Variants in RORB observed in about 807,000 individuals in gnomAD.
RORB encodes the protein RAR related orphan receptor B.
RORB carries 6 observed loss-of-function variants against 59.1 expected under a neutral mutation model. The observed-to-expected ratio is 0.10, with a 90% CI of 0.06 to 0.20. The LOEUF is 0.20. RORB is among the 10% of genes least tolerant of loss of function. The pLI, the probability that RORB is intolerant of heterozygous loss-of-function variation, is 1.00. For missense variants in RORB, 320 were observed against 560.5 expected (o/e 0.57, Z 4.33); for synonymous variants, 215 against 204.5 (o/e 1.05, Z -0.44).
intron 1 of RORB, among the ~76,000 whole-genome samples, chr9:74,586,268 C>G (rs1028214590): frequency 2.0e-4 from 30 of 152,214 alleles, no homozygotes; most frequent in African/African-American, 6.5e-4. Context: ...GAGGCCAAAG[C>G]AGGTGGATCA....
rs1824714242 is a variant in RORB, at chr9:74,690,042, C to T, written c.*4424C>T. ...ATGGACGTCTGTGCCCTAACAGAAG[C>T]ACCGTTCAATAGAACAGCAATAACC... is the stretch of plus-strand genomic sequence containing the variant. On this transcript the variant is annotated 3_prime_UTR_variant, in exon 10 of 10. Transcript: ENST00000376896. The T allele has an allele frequency of 6.6e-6, 1 of 152,096 alleles. No homozygotes were observed. The highest frequency in any genetic ancestry group is 2.1e-4 in the South Asian group (1 of 4,816). The allele number at this position is 152,096 out of a possible 1,614,324, so 9.4% of individuals were successfully genotyped here.
At chr9:74,598,523 A>T (rs1021256459) in intron 1 of RORB, among the ~76,000 whole-genome samples, 2 of 152,170 alleles carry the variant, frequency 1.3e-5, no homozygotes, top group Non-Finnish European at 2.9e-5. Context: ...AGTATAGTTT[A>T]TATTTGTATA....
chr9:74,679,381 G>A (rs1357485785), intron 9 of RORB, among the ~76,000 whole-genome samples: 2 of 152,180 alleles, frequency 1.3e-5, no homozygotes, highest in African/African-American at 4.8e-5. Flanking sequence ...TGTGACCACT[G>A]CTGAGGTAAA....
intron 1 of RORB, among the ~76,000 whole-genome samples, chr9:74,527,679 T>G (rs1826176392): frequency 6.6e-6 from 1 of 152,034 alleles, no homozygotes; most frequent in Non-Finnish European, 1.5e-5. Flanking sequence ...AATTCATGTT[T>G]TGTCAAAGAT....
rs958220453 is a variant in RORB, at chr9:74,634,540, C to T, written c.94-91C>T. 1.7e-5 allele frequency: 21 copies of T among 1,200,326 alleles called. No individual in the cohort carries two copies. In the South Asian group the frequency reaches 3.3e-4, roughly 19 times the overall value. 74.4% of individuals were successfully genotyped at this position (1,200,326 alleles called of 1,614,324 possible). A position where few individuals can be genotyped will look rare whatever the true frequency, so the allele number is the denominator to read the frequency against. On this transcript the variant is annotated intron_variant, in intron 2 of 9. Transcript: ENST00000376896. The stretch of plus-strand genomic sequence containing the variant: ...TTTAAAAATTAAACTCAGTTATGTT[C>T]ACTGCAGAAAATGTAGCAAATGTAT...
chr9:74,674,767 A>AC (rs1824409015), intron 9 of RORB, among the ~76,000 whole-genome samples: 1 of 152,118 alleles, frequency 6.6e-6, no homozygotes, highest in Admixed American at 6.6e-5. Flanking sequence ...GGAAAAAAAA[A>AC]CCCTATTAAA....
intron 1 of RORB, among the ~76,000 whole-genome samples, chr9:74,589,826 A>G (rs1822859449): frequency 6.6e-6 from 1 of 152,094 alleles, no homozygotes; most frequent in Admixed American, 6.6e-5. Context: ...CTAACCACAG[A>G]CACCAGGTTG....
At position 74,690,902 on chromosome 9, in the gene RORB, G is replaced by A. The variant is rs1437223799; in HGVS notation, c.*5284G>A. ...ATTTCTTGCCACTTTTTTTCTGAAA[G>A]GCAAATGCATGACTTTTATTCTTTT... is the stretch of plus-strand genomic sequence containing the variant. On this transcript the variant is annotated 3_prime_UTR_variant, in exon 10 of 10. Transcript: ENST00000376896. 2 of 152,194 alleles carry A rather than the reference G, an allele frequency of 1.3e-5. No individual in the cohort carries two copies. Among genetic ancestry groups the A allele is most frequent in the South Asian group, 4.1e-4 (2 of 4,832 alleles). 9.4% of individuals were successfully genotyped at this position (152,194 alleles called of 1,614,324 possible).
chr9:74,638,411 T>G (rs1823739987), intron 3 of RORB, among the ~76,000 whole-genome samples: 1 of 152,248 alleles, frequency 6.6e-6, no homozygotes, highest in Non-Finnish European at 1.5e-5. Flanking sequence ...GTTAAGAGCA[T>G]ATCATGAGCA....
intron 7 of RORB, 53 bp downstream of exon 7, chr9:74,665,648 C>A: frequency 8.8e-7 from 1 of 1,136,088 alleles, no homozygotes; most frequent in Non-Finnish European, 1.3e-6. Context: ...TCAGTTTCTC[C>A]ACTTAGATTG....
chr9:74,585,802 A>ATTTATTTATTTC, intron 1 of RORB, among the ~76,000 whole-genome samples: 1 of 151,288 alleles, frequency 6.6e-6, no homozygotes, highest in Admixed American at 6.6e-5. Context: ...TTATTTATTT[A>ATTTATTTATTTC]TTTATTTATT....
intron 1 of RORB, among the ~76,000 whole-genome samples, chr9:74,609,901 G>A (rs1236677951): frequency 6.6e-6 from 1 of 152,156 alleles, no homozygotes; most frequent in Non-Finnish European, 1.5e-5. Flanking sequence ...GCATCTAGTG[G>A]ATAGAGGCCA....
intron 1 of RORB, among the ~76,000 whole-genome samples, chr9:74,618,816 T>C (rs1823356180): frequency 6.6e-6 from 1 of 152,186 alleles, no homozygotes; most frequent in Admixed American, 6.5e-5. Context: ...AACCTTTGAT[T>C]TGTCTGACTC....
intron 1 of RORB, among the ~76,000 whole-genome samples, chr9:74,544,322 A>G (rs532724525): frequency 1.3e-5 from 2 of 152,290 alleles, no homozygotes; most frequent in Admixed American, 1.3e-4. Flanking sequence ...ACACACACGC[A>G]AAGACTGTTC....
intron 2 of RORB, among the ~76,000 whole-genome samples, chr9:74,632,272 T>C (rs1185001660): frequency 6.6e-6 from 1 of 152,198 alleles, no homozygotes; most frequent in Non-Finnish European, 1.5e-5. Flanking sequence ...AAAGAAATTA[T>C]GCTGTTATTA....
chr9:74,541,644 T>A (rs1020591459), intron 1 of RORB, among the ~76,000 whole-genome samples: 12 of 152,202 alleles, frequency 7.9e-5, no homozygotes, highest in African/African-American at 2.9e-4. Flanking sequence ...GTGTTTAAAC[T>A]GTGAGAGATT....
In RORB at chr9:74,688,072, A is replaced by G. The variant is rs1041783719; in HGVS notation, c.*2454A>G. 1.3e-5 allele frequency: 2 copies of G among 152,068 alleles called. No homozygotes were observed. Among genetic ancestry groups the G allele is most frequent in the South Asian group, 4.1e-4 (2 of 4,826 alleles). The allele number at this position is 152,068 out of a possible 1,614,324, so 9.4% of individuals were successfully genotyped here. A position where few individuals can be genotyped will look rare whatever the true frequency, so the allele number is the denominator to read the frequency against. On this transcript the variant is annotated 3_prime_UTR_variant, in exon 10 of 10. Coordinates refer to ENST00000376896, the MANE Select transcript of RORB (RefSeq NM_006914.4). ...TCAGAATTTTTTCCTCCCTTTTCCC[A>G]TGGGTGATATAGGAAAAAGATTGTT...
intron 1 of RORB, among the ~76,000 whole-genome samples, chr9:74,548,698 T>C (rs1471245691): frequency 1.3e-5 from 2 of 152,174 alleles, no homozygotes; most frequent in Non-Finnish European, 2.9e-5. Flanking sequence ...TAACTGGTCA[T>C]TGCAGAGAAT....
At chr9:74,500,824 G>T (rs1479615422) in intron 1 of RORB, among the ~76,000 whole-genome samples, 1 of 152,192 alleles carries the variant, frequency 6.6e-6, no homozygotes, top group East Asian at 1.9e-4. Context: ...GCTGAACTGA[G>T]TCCCGGACAC....
Sources: gnomAD v4.1 joint callset for allele counts (sites outside exome capture counted in the v4.1 genomes callset) on GRCh38, gnomAD v4.1.1 for gene constraint, MANE v1.5 for transcripts, NCBI Gene and HGNC (gene_info 2026-07-23, HGNC 2026-07-21) for gene names.